The following OXLD1 variants were observed in gnomAD, a reference collection of about 807,000 sequenced individuals.
OXLD1 encodes oxidoreductase-like domain-containing protein 1.
In OXLD1, 4 loss-of-function variants were observed where a neutral mutation model predicts 3.1. The ratio of observed to expected loss-of-function variants is 1.28; its 90% CI spans 0.63 to 2.92. OXLD1 has a LOEUF of 2.92. Among genes scored for constraint, OXLD1 ranks in the 30% most tolerant of loss-of-function variants. The pLI, the probability that OXLD1 is intolerant of heterozygous loss-of-function variation, is 0.01. For missense variants in OXLD1, 240 were observed against 204.6 expected (o/e 1.17, Z -1.05); for synonymous variants, 100 against 87.0 (o/e 1.15, Z -0.83).
At position 81,665,398 on chromosome 17, in the gene OXLD1, C is replaced by CA; in HGVS notation, c.246dup (p.Glu83Ter). The CA allele has an allele frequency of 1.9e-6, 3 of 1,613,550 alleles. No homozygotes were observed. Among genetic ancestry groups the CA allele is most frequent in the Non-Finnish European group, 1.7e-6 (2 of 1,180,036 alleles). On this transcript the variant is annotated frameshift_variant, in exon 2 of 2. Coordinates refer to ENST00000374741, the MANE Select transcript of OXLD1 (RefSeq NM_001039842.3). LOFTEE classifies it high-confidence loss of function. Reference sequence around the variant, plus strand: ...CAGCAGTTTGTGGGCGGCTGGAGCTCAGGTGGCAGCGATGCCTTGGGCGGC... The same window carrying CA: ...CAGCAGTTTGTGGGCGGCTGGAGCTCAAGGTGGCAGCGATGCCTTGGGCGGC...
rs971796778 is a variant in OXLD1, at chr17:81,665,223, A to T, written c.422T>A (p.Leu141Gln). Residue 141 changes from leucine (L) to glutamine (Q), a missense_variant, in exon 2 of 2, where the codon CTG (leucine) becomes CAG (glutamine). By Grantham distance (113) the Leu-to-Gln change is moderately radical. Coordinates refer to ENST00000374741, the MANE Select transcript of OXLD1 (RefSeq NM_001039842.3). ...GGCTCAGCCTCCGCACCTGGTGTGC[A>T]GCCGGATCTCCATCCTGAGGAAGGC... The part of the protein sequence containing the change: ...LKAFLRMEIR[L>Q]HTRCGG 2 of 1,612,184 alleles carry T rather than the reference A, an allele frequency of 1.2e-6. No individual in the cohort carries two copies.
In OXLD1 at chr17:81,665,126, G is replaced by A. The variant is rs906475869; in HGVS notation, c.*75C>T. On this transcript the variant is annotated 3_prime_UTR_variant, in exon 2 of 2. Transcript: ENST00000374741. ...TTCCCGTTGGACACAAGGAGTCTGT[G>A]AGGGGGTGTGAAGGAAGGAGGCTGC... 3.4e-6 allele frequency: 5 copies of A among 1,487,626 alleles called. No individual in the cohort carries two copies. In the African/African-American group the frequency reaches 5.6e-5, roughly 17 times the overall value. The allele number at this position is 1,487,626 out of a possible 1,614,324, so 92.2% of individuals were successfully genotyped here. A position where few individuals can be genotyped will look rare whatever the true frequency, so the allele number is the denominator to read the frequency against.
chr17:81,666,406 G>A, intron 1 of OXLD1, 112 bp downstream of exon 1: 3 of 1,307,422 alleles, frequency 2.3e-6, no homozygotes, highest in East Asian at 2.8e-5. Flanking sequence ...TCCCGGCTCC[G>A]TCCCCACATG....
At chr17:81,666,447 C>T (rs1375709164) in intron 1 of OXLD1, 71 bp downstream of exon 1, 12 of 1,498,780 alleles carry the variant, frequency 8.0e-6, no homozygotes, top group Non-Finnish European at 1.1e-5. Context: ...CCTCCCGGTA[C>T]GTGCGGGCCC....
At position 81,666,591 on chromosome 17, in the gene OXLD1, G is replaced by A. The variant is rs1346231804; in HGVS notation, c.-14C>T. On this transcript the variant is annotated 5_prime_UTR_variant, in exon 1 of 2. Transcript: ENST00000374741. ...CCGCAGCAGCATCGCCCGCGGACGG[G>A]ATCCGGCAACCCCTGACCGTGAGCG... 3 of 1,445,180 alleles carry A rather than the reference G, an allele frequency of 2.1e-6. No homozygotes were observed. The highest frequency in any genetic ancestry group is 1.8e-6 in the Non-Finnish European group (2 of 1,101,410). 89.5% of individuals were successfully genotyped at this position (1,445,180 alleles called of 1,614,324 possible).
At chr17:81,666,353 G>A (rs2036617873) in intron 1 of OXLD1, 165 bp downstream of exon 1, 3 of 748,392 alleles carry the variant, frequency 4.0e-6, no homozygotes, top group East Asian at 3.3e-5. Context: ...GCCGATGGAG[G>A]AGAGGAGCGA....
In OXLD1 at chr17:81,665,586, T is replaced by C; in HGVS notation, c.61-2A>G. On this transcript the variant is annotated splice_acceptor_variant, in intron 1 of 1. Transcript: ENST00000374741. LOFTEE classifies it high-confidence loss of function. ...CGGGCTGGAGAACCGGCGAGCCCCC[T>C]GAGGATGCAGACAAACATGTGACTC... The C allele has an allele frequency of 6.3e-7, 1 of 1,575,754 alleles. No homozygotes were observed. Among genetic ancestry groups the C allele is most frequent in the Non-Finnish European group, 8.6e-7 (1 of 1,158,186 alleles).
At position 81,665,782 on chromosome 17, in the gene OXLD1, A is replaced by G. The variant is rs923434785; in HGVS notation, c.61-198T>C. The G allele has an allele frequency of 1.2e-5, 8 of 641,724 alleles. No individual in the cohort carries two copies. In the African/African-American group the frequency reaches 1.3e-4, roughly 10 times the overall value. 39.8% of individuals were successfully genotyped at this position (641,724 alleles called of 1,614,324 possible). ...CCACTGTGCAATGGAAGTCATGGGT[A>G]TGACACGGTGTGATTCACAAGAAGT... On this transcript the variant is annotated intron_variant, in intron 1 of 1. Coordinates refer to ENST00000374741, the MANE Select transcript of OXLD1 (RefSeq NM_001039842.3).
At position 81,665,097 on chromosome 17, in the gene OXLD1, C is replaced by T; in HGVS notation, c.*104G>A. ...CAGGTGAAGTCAGTAACTAATTCTTCCTATTCCCGTTGGACACAAGGAGTC... is the reference window on the plus strand; with the variant it reads ...CAGGTGAAGTCAGTAACTAATTCTTTCTATTCCCGTTGGACACAAGGAGTC... On this transcript the variant is annotated 3_prime_UTR_variant, in exon 2 of 2. Coordinates refer to ENST00000374741, the MANE Select transcript of OXLD1 (RefSeq NM_001039842.3). 3 of 1,349,622 alleles carry T rather than the reference C, an allele frequency of 2.2e-6. No homozygotes were observed. Among genetic ancestry groups the T allele is most frequent in the Middle Eastern group, 2.4e-4 (1 of 4,172 alleles). 83.6% of individuals were successfully genotyped at this position (1,349,622 alleles called of 1,614,324 possible).
In OXLD1 at chr17:81,666,564, C is replaced by CT; in HGVS notation, c.13dup (p.Arg5LysfsTer48). On this transcript the variant is annotated frameshift_variant, in exon 1 of 2. Transcript: ENST00000374741. LOFTEE classifies it low-confidence loss of function (END_TRUNC). ...TACCGCCCGGCCTCCCTCGACCACC[C>CT]TCCGCAGCAGCATCGCCCGCGGACG... is the stretch of plus-strand genomic sequence containing the variant. 1 of 1,497,506 alleles carries CT rather than the reference C, an allele frequency of 6.7e-7. No individual in the cohort carries two copies. The highest frequency in any genetic ancestry group is 8.9e-7 in the Non-Finnish European group (1 of 1,129,152). The allele number at this position is 1,497,506 out of a possible 1,614,324, so 92.8% of individuals were successfully genotyped here.
chr17:81,666,426 G>T (rs1419585211), intron 1 of OXLD1, 92 bp downstream of exon 1: 2 of 1,435,778 alleles, frequency 1.4e-6, no homozygotes, highest in South Asian at 2.5e-5. Flanking sequence ...GCGGGTGGAG[G>T]GGCCGGGGCT....
intron 1 of OXLD1, 143 bp from the exon 2 acceptor site, chr17:81,665,727 T>C (rs2036596439): frequency 1.1e-6 from 1 of 947,554 alleles, no homozygotes; most frequent in African/African-American, 1.7e-5. Context: ...ACTTTAGACA[T>C]GTTATTTCAC....
chr17:81,666,508 TG>T lies in OXLD1; in HGVS notation c.60+9del. On this transcript the variant is annotated intron_variant, in intron 1 of 1. Transcript: ENST00000374741. ...CCTTCGGCGCTGCCAAGACCCGTCC[TG>T]GTACTTGCCGAGCCACGGACCGCGG... 2 of 1,527,068 alleles carry T rather than the reference TG, an allele frequency of 1.3e-6. No individual in the cohort carries two copies. The highest frequency in any genetic ancestry group is 2.0e-5 in the Admixed American group (1 of 50,836). The allele number at this position is 1,527,068 out of a possible 1,614,324, so 94.6% of individuals were successfully genotyped here.
chr17:81,666,541 C>T lies in OXLD1; in HGVS notation c.37G>A (p.Val13Ile). ...LRRVVEGGRA[V>I]AAAVRGSGAR... Reference sequence around the variant, plus strand: ...GCCGAGCCACGGACCGCGGCGGCTACCGCCCGGCCTCCCTCGACCACCCTC... The same window carrying T: ...GCCGAGCCACGGACCGCGGCGGCTATCGCCCGGCCTCCCTCGACCACCCTC... The change falls in exon 1 of 2, where the codon GTA becomes ATA. Residue 13 changes from valine to isoleucine, a missense_variant. Transcript: ENST00000374741. The T allele has an allele frequency of 6.6e-7, 1 of 1,520,450 alleles. No homozygotes were observed. The allele number at this position is 1,520,450 out of a possible 1,614,324, so 94.2% of individuals were successfully genotyped here. A position where few individuals can be genotyped will look rare whatever the true frequency, so the allele number is the denominator to read the frequency against.
At position 81,665,521 on chromosome 17, in the gene OXLD1, GAA is replaced by G; in HGVS notation, c.122_123del (p.Leu41ProfsTer11). The G allele has an allele frequency of 1.9e-6, 3 of 1,610,492 alleles. No homozygotes were observed. The highest frequency in any genetic ancestry group is 2.5e-6 in the Non-Finnish European group (3 of 1,178,094). The part of the protein sequence containing the change: ...CQRLPGGGSF[L>X]QRHHPGAQAP... ...GCTTGCGCTCCGGGATGGTGCCTTT[GAA>G]GAAAGCTGCCACCTCCAGGAAGCCT... is the stretch of plus-strand genomic sequence containing the variant. On this transcript the variant is annotated frameshift_variant, in exon 2 of 2. Transcript: ENST00000374741. LOFTEE classifies it low-confidence loss of function (END_TRUNC).
At chr17:81,665,921 G>T in intron 1 of OXLD1, 1 of 402,528 alleles carries the variant, frequency 2.5e-6, no homozygotes, top group Non-Finnish European at 4.5e-6. Flanking sequence ...TATGCGAGAG[G>T]TGTAACCCTG....
intron 1 of OXLD1, chr17:81,665,941 G>C (rs2036603810): frequency 5.2e-6 from 2 of 381,568 alleles, no homozygotes; most frequent in South Asian, 5.9e-5. Flanking sequence ...GTAAGCTCCT[G>C]GCCAGCCCAG....
chr17:81,665,583 C>A lies in OXLD1; in HGVS notation c.62G>T (p.Gly21Val), dbSNP rs746836760. The A allele has an allele frequency of 1.5e-5, 24 of 1,578,144 alleles. No individual in the cohort carries two copies. The highest frequency in any genetic ancestry group is 1.9e-5 in the Non-Finnish European group (22 of 1,159,270). The change falls in exon 2 of 2, where the codon GGG (glycine) becomes GTG (valine). Residue 21 changes from glycine to valine, a missense_variant and splice_region_variant. Transcript: ENST00000374741. ...GTCCGGGCTGGAGAACCGGCGAGCCCCCTGAGGATGCAGACAAACATGTGA... is the reference window on the plus strand; with the variant it reads ...GTCCGGGCTGGAGAACCGGCGAGCCACCTGAGGATGCAGACAAACATGTGA... ...RAVAAAVRGS[G>V]ARRFSSPDCC...
chr17:81,665,678 G>T (rs2036594766), intron 1 of OXLD1, 94 bp from the exon 2 acceptor site: 3 of 1,408,060 alleles, frequency 2.1e-6, no homozygotes, highest in Non-Finnish European at 2.8e-6. Context: ...CTGTCATTGG[G>T]CAACTGGCTC....
Sources: allele counts gnomAD v4.1 joint callset, GRCh38; gene constraint gnomAD v4.1.1; transcripts MANE v1.5; gene names NCBI Gene and HGNC (gene_info 2026-07-23, HGNC 2026-07-21).